The following TSPAN33 variants were observed in gnomAD, a reference collection of about 807,000 sequenced individuals.
TSPAN33 encodes the protein tetraspanin-33.
A neutral mutation model predicts 34.8 loss-of-function variants in TSPAN33; 27 were observed. The ratio of observed to expected loss-of-function variants is 0.78; its 90% CI spans 0.57 to 1.07. The LOEUF (loss-of-function observed/expected upper bound fraction) is 1.07. Among genes scored for constraint, TSPAN33 ranks in the 50% least tolerant of loss-of-function variants. The pLI is 0.00. For missense variants in TSPAN33, 272 were observed against 324.9 expected, an observed-to-expected ratio of 0.84 and a Z score of 1.25; for synonymous variants, 119 against 124.2, an observed-to-expected ratio of 0.96 and a Z score of 0.28.
chr7:129,147,421 T>C (rs748983262), intron 1 of TSPAN33, among the ~76,000 whole-genome samples: 8 of 152,192 alleles, frequency 5.3e-5, no homozygotes, highest in Non-Finnish European at 1.2e-4. Context: ...TAGGGGACAG[T>C]ACTTTTCAGG....
intron 1 of TSPAN33, among the ~76,000 whole-genome samples, chr7:129,146,566 T>C (rs1810523240): frequency 6.6e-6 from 1 of 152,170 alleles, no homozygotes; most frequent in Non-Finnish European, 1.5e-5. Context: ...AGATGGCTGC[T>C]GCTATAGCTG....
At position 129,169,183 on chromosome 7, in the gene TSPAN33, A is replaced by C. The variant is rs1274309066; in HGVS notation, c.*1309A>C. On this transcript the variant is annotated 3_prime_UTR_variant, in exon 8 of 8. Coordinates refer to ENST00000486685, the MANE Select transcript of TSPAN33 (RefSeq NM_178562.5). ...CCGGGACGGGGAATGAGGAGGAAGA[A>C]GGCCCTCTCTTCCCCTACCCGGGCC... Among the ~76,000 whole-genome samples the C allele has an allele frequency of 2.0e-5, 3 of 152,294 alleles. No individual in the cohort carries two copies. Among genetic ancestry groups the C allele is most frequent in the Admixed American group, 6.5e-5 (1 of 15,308 alleles).
At chr7:129,152,206 A>G (rs750589848) in intron 1 of TSPAN33, among the ~76,000 whole-genome samples, 6 of 152,240 alleles carry the variant, frequency 3.9e-5, no homozygotes, top group Non-Finnish European at 7.3e-5. Flanking sequence ...ACATAGAATT[A>G]CCATATGATT....
intron 1 of TSPAN33, among the ~76,000 whole-genome samples, chr7:129,150,469 G>C (rs34992981): frequency 0.34 from 51,861 of 151,974 alleles, 9,488 homozygotes; most frequent in East Asian, 0.68. Context: ...GATGTGAATA[G>C]GCAAAATCCT....
chr7:129,153,310 C>T (rs1047378826), intron 1 of TSPAN33, among the ~76,000 whole-genome samples: 6 of 151,922 alleles, frequency 3.9e-5, no homozygotes, highest in African/African-American at 1.5e-4. Context: ...AGCACTGCAC[C>T]CTGATGGTGG....
intron 5 of TSPAN33, among the ~76,000 whole-genome samples, chr7:129,166,123 A>T (rs1361590883): frequency 6.6e-6 from 1 of 151,990 alleles, no homozygotes; most frequent in Admixed American, 6.6e-5. Flanking sequence ...TATTTTTAGT[A>T]AAGATGGGGT....
At position 129,167,586 on chromosome 7, in the gene TSPAN33, G is replaced by A. The variant is rs773323047; in HGVS notation, c.750+26G>A. On this transcript the variant is annotated intron_variant, in intron 7 of 7. Transcript: ENST00000486685. The surrounding 1 kb of genome is among the most constrained non-coding windows in gnomAD (Gnocchi z 4.6). ...GTAACTTACCCTGTGAGACTTGTTGGTCCCACACACTCTGTAAAGACTCCT... is the reference window on the plus strand; with the variant it reads ...GTAACTTACCCTGTGAGACTTGTTGATCCCACACACTCTGTAAAGACTCCT... 6.2e-7 allele frequency: 1 copy of A among 1,610,328 alleles called. No individual in the cohort carries two copies. The highest frequency in any genetic ancestry group is 1.1e-5 in the South Asian group (1 of 90,648).
At position 129,162,822 on chromosome 7, in the gene TSPAN33, C is replaced by T; in HGVS notation, c.289-11C>T. On this transcript the variant is annotated splice_polypyrimidine_tract_variant and intron_variant, in intron 3 of 7. Transcript: ENST00000486685. ...TGGTCCTAGACGCCTCTTCTTCCTGCTGCTCCACAGTTCTCCCTCTGCCTC... is the reference window on the plus strand; with the variant it reads ...TGGTCCTAGACGCCTCTTCTTCCTGTTGCTCCACAGTTCTCCCTCTGCCTC... 6.2e-7 allele frequency: 1 copy of T among 1,613,460 alleles called. No individual in the cohort carries two copies. Among genetic ancestry groups the T allele is most frequent in the Non-Finnish European group, 8.5e-7 (1 of 1,179,880 alleles).
At chr7:129,162,252 A>G in intron 2 of TSPAN33, 142 bp from the exon 3 acceptor site, 5 of 1,252,874 alleles carry the variant, frequency 4.0e-6, no homozygotes, top group Non-Finnish European at 5.6e-6. Flanking sequence ...GGACAGGGGT[A>G]CTGCCTCCCC....
intron 1 of TSPAN33, among the ~76,000 whole-genome samples, chr7:129,158,064 G>C (rs754063522): frequency 7.2e-5 from 11 of 152,186 alleles, no homozygotes; most frequent in Non-Finnish European, 1.5e-4. Context: ...AGCTGTTAGA[G>C]GCAGCCCTCA....
At chr7:129,149,128 A>G (rs1810557958) in intron 1 of TSPAN33, among the ~76,000 whole-genome samples, 1 of 152,172 alleles carries the variant, frequency 6.6e-6, no homozygotes, top group South Asian at 2.1e-4. Flanking sequence ...AAACAACGAA[A>G]ATTACAAAAT....
At chr7:129,161,596 C>T (rs1793054905) in intron 1 of TSPAN33, 83 bp from the exon 2 acceptor site, 2 of 1,342,688 alleles carry the variant, frequency 1.5e-6, no homozygotes, top group African/African-American at 1.6e-5. Flanking sequence ...CAGTCCTTCT[C>T]CTGCTCTCCT....
chr7:129,156,114 T>C lies in TSPAN33; in HGVS notation c.103-5565T>C, dbSNP rs188337830. 6.6e-5 allele frequency among the ~76,000 whole-genome samples: 10 copies of C among 152,278 alleles called. No individual in the cohort carries two copies. In the East Asian group the frequency reaches 1.7e-3, roughly 26 times the overall value. On this transcript the variant is annotated intron_variant, in intron 1 of 7. Coordinates refer to ENST00000486685, the MANE Select transcript of TSPAN33 (RefSeq NM_178562.5). The stretch of plus-strand genomic sequence containing the variant: ...AGACTTACCTTGTTTTTAATGACCT[T>C]GACAGTTTTGGGAAGTGCTGGTCAG...
Position 129,161,732 on chromosome 7 carries a change from T to C in TSPAN33, c.156T>C (p.His52=). Residue 52 remains histidine (H), a synonymous_variant, in exon 2 of 8, where the codon CAT becomes CAC. Coordinates refer to ENST00000486685, the MANE Select transcript of TSPAN33 (RefSeq NM_178562.5). ...GTGTCTACGCTCGGCTAATGAAGCA[T>C]GCAGGTGAGCTGTAGCTCTCCCTCC... ...AVGVYARLMK[H]AEAALACLAV... 6.2e-7 allele frequency: 1 copy of C among 1,614,172 alleles called. No individual in the cohort carries two copies. Among genetic ancestry groups the C allele is most frequent in the Admixed American group, 1.7e-5 (1 of 60,026 alleles).
At position 129,168,602 on chromosome 7, in the gene TSPAN33, C is replaced by T. The variant is rs944846566; in HGVS notation, c.*728C>T. The T allele has an allele frequency of 7.2e-5, 11 of 152,860 alleles. 3 individuals carry two copies. The highest frequency in any genetic ancestry group is 7.2e-4 in the Admixed American group (11 of 15,306). The allele number at this position is 152,860 out of a possible 1,614,324, so 9.5% of individuals were successfully genotyped here. On this transcript the variant is annotated 3_prime_UTR_variant, in exon 8 of 8. Transcript: ENST00000486685. ...AGTTTGGAACCCTGGTCCCTATACT[C>T]TGCAGTCAGAAGTGGGACTGAGCCA...
intron 1 of TSPAN33, among the ~76,000 whole-genome samples, chr7:129,149,378 T>C (rs1223633335): frequency 2.6e-5 from 4 of 151,984 alleles, no homozygotes; most frequent in South Asian, 4.1e-4. Context: ...GCCAACATGG[T>C]GAAACCCCAT....
At position 129,162,498 on chromosome 7, in the gene TSPAN33, G is replaced by A. The variant is rs762435430; in HGVS notation, c.265G>A (p.Glu89Lys). 16 of 1,613,324 alleles carry A rather than the reference G, an allele frequency of 9.9e-6. No homozygotes were observed. Among genetic ancestry groups the A allele is most frequent in the East Asian group, 4.5e-5 (2 of 44,892 alleles). ...TFCGCIGSLRENICLLQTFSL... is the reference protein window; with the variant it reads ...TFCGCIGSLRKNICLLQTFSL... ...CTGTGGCTGCATTGGGTCCCTCCGC[G>A]AGAACATCTGCCTCCTGCAGACGGT... Residue 89 changes from glutamate (E) to lysine (K), a missense_variant, in exon 3 of 8, where the codon GAG becomes AAG. Transcript: ENST00000486685.
chr7:129,163,383 T>C (rs1793084170), intron 4 of TSPAN33, among the ~76,000 whole-genome samples: 1 of 145,542 alleles, frequency 6.9e-6, no homozygotes, highest in Non-Finnish European at 1.5e-5. Context: ...GAGATGGGAG[T>C]CTCACTAGGT....
chr7:129,164,502 A>G lies in TSPAN33; in HGVS notation c.392A>G (p.Asn131Ser), dbSNP rs766383285. Residue 131 changes from asparagine to serine, a missense_variant, in exon 5 of 8, where the codon AAC becomes AGC. By Grantham distance (46) the Asn-to-Ser change is conservative (BLOSUM62 1). Coordinates refer to ENST00000486685, the MANE Select transcript of TSPAN33 (RefSeq NM_178562.5). Reference sequence around the variant, plus strand: ...CGAGGGAAAGTGAGTGAGATCATCAACAATGCCATTGTGCACTACCGAGAT... The same window carrying G: ...CGAGGGAAAGTGAGTGAGATCATCAGCAATGCCATTGTGCACTACCGAGAT... ...KARGKVSEIINNAIVHYRDDL... is the reference protein window; with the variant it reads ...KARGKVSEIISNAIVHYRDDL... The G allele has an allele frequency of 7.4e-6, 12 of 1,614,004 alleles. No individual in the cohort carries two copies. Among genetic ancestry groups the G allele is most frequent in the Admixed American group, 5.0e-5 (3 of 60,004 alleles).
Sources: allele counts gnomAD v4.1 joint callset (sites outside exome capture counted in the v4.1 genomes callset), GRCh38; gene constraint gnomAD v4.1.1; non-coding constraint Gnocchi (gnomAD v3.1); transcripts MANE v1.5; gene names NCBI Gene and HGNC (gene_info 2026-07-23, HGNC 2026-07-21).